LRRTM4: variants seen among roughly 807,000 people sequenced by gnomAD.
LRRTM4 encodes the protein leucine-rich repeat transmembrane neuronal protein 4.
A neutral mutation model predicts 47.6 loss-of-function variants in LRRTM4; 25 were observed. That is an observed-to-expected ratio of 0.53 (90% CI 0.38 to 0.73). The LOEUF (loss-of-function observed/expected upper bound fraction) is 0.73, where lower values mean the gene tolerates loss of function less well. Among genes scored for constraint, LRRTM4 ranks in the 30% least tolerant of loss-of-function variants. LRRTM4 has a pLI of 0.00. For missense variants in LRRTM4, 638 were observed against 713.4 expected (o/e 0.89, Z 1.20); for synonymous variants, 311 against 269.5 (o/e 1.15, Z -1.51).
chr2:77,108,485 A>C (rs921563962), intron 3 of LRRTM4, among the ~76,000 whole-genome samples: 1 of 151,924 alleles, frequency 6.6e-6, no homozygotes, highest in African/African-American at 2.4e-5. Flanking sequence ...TATAGAATAT[A>C]TATATTTTAA....
chr2:77,425,740 G>A (rs1427605710), intron 3 of LRRTM4, among the ~76,000 whole-genome samples: 1 of 152,058 alleles, frequency 6.6e-6, no homozygotes, highest in Admixed American at 6.6e-5. Flanking sequence ...ATCTCTACAT[G>A]GTCTATATCC....
At position 76,865,173 on chromosome 2, in the gene LRRTM4, G is replaced by GT. The variant is rs1487330695; in HGVS notation, c.1552-116258dup. Among the ~76,000 whole-genome samples, 3 of 152,098 alleles carry GT rather than the reference G, an allele frequency of 2.0e-5. No homozygotes were observed. The East Asian group carries it at 5.8e-4, about 29-fold the overall frequency. ...TTTAAGAAGTCATTTATCATTGTGT[G>GT]TTTGCCTTTCTTTCTCTTTGCTCCC... On this transcript the variant is annotated intron_variant, in intron 3 of 3. Transcript: ENST00000409884.
chr2:76,974,683 A>G (rs1465538820), intron 3 of LRRTM4, among the ~76,000 whole-genome samples: 1 of 151,746 alleles, frequency 6.6e-6, no homozygotes, highest in African/African-American at 2.4e-5. Context: ...AGAACTTGGG[A>G]GAAAAATTGT....
chr2:76,892,476 A>G (rs1444206428), intron 3 of LRRTM4, among the ~76,000 whole-genome samples: 2 of 151,740 alleles, frequency 1.3e-5, no homozygotes, highest in Non-Finnish European at 3.0e-5. Flanking sequence ...TTTTGGGAAG[A>G]ACAAATAGGC....
chr2:77,008,166 G>A (rs1677730341), intron 3 of LRRTM4, among the ~76,000 whole-genome samples: 1 of 152,142 alleles, frequency 6.6e-6, no homozygotes, highest in African/African-American at 2.4e-5. Flanking sequence ...CAAATGTTGT[G>A]TGGTATTAGC....
chr2:76,912,595 A>G (rs537181407), intron 3 of LRRTM4, among the ~76,000 whole-genome samples: 1 of 152,352 alleles, frequency 6.6e-6, no homozygotes, highest in Non-Finnish European at 1.5e-5. Context: ...AGCCAAAAAA[A>G]TTGATATCGT....
At chr2:77,172,358 A>G (rs1484708519) in intron 3 of LRRTM4, among the ~76,000 whole-genome samples, 1 of 152,272 alleles carries the variant, frequency 6.6e-6, no homozygotes, top group Admixed American at 6.5e-5. Context: ...GCACTTTGGG[A>G]GGCCGAGGTG....
intron 3 of LRRTM4, among the ~76,000 whole-genome samples, chr2:77,093,627 ATTTTG>A (rs1670719824): frequency 1.3e-5 from 2 of 151,810 alleles, no homozygotes; most frequent in South Asian, 4.2e-4. Flanking sequence ...CTTCAACACT[ATTTTG>A]TTTTATTTTT....
intron 3 of LRRTM4, among the ~76,000 whole-genome samples, chr2:77,141,920 G>T (rs188471263): frequency 2.6e-5 from 4 of 152,234 alleles, no homozygotes; most frequent in African/African-American, 7.2e-5. Context: ...TGAGCCAAGG[G>T]CTTCAACACC....
intron 3 of LRRTM4, among the ~76,000 whole-genome samples, chr2:77,036,662 T>G (rs768509158): frequency 1.9e-4 from 29 of 151,768 alleles, no homozygotes; most frequent in Non-Finnish European, 3.4e-4. Context: ...TGTAGTCTCC[T>G]AAGCACTCAA....
intron 3 of LRRTM4, among the ~76,000 whole-genome samples, chr2:77,057,220 T>C (rs910234460): frequency 1.3e-5 from 2 of 152,146 alleles, no homozygotes; most frequent in African/African-American, 4.8e-5. Context: ...AAAGATATAA[T>C]GTAAATTAAA....
chr2:77,379,015 A>G (rs1672945862), intron 3 of LRRTM4, among the ~76,000 whole-genome samples: 1 of 152,126 alleles, frequency 6.6e-6, no homozygotes, highest in Non-Finnish European at 1.5e-5. Flanking sequence ...TCATTTGTCC[A>G]TAATTGCTTA....
intron 3 of LRRTM4, among the ~76,000 whole-genome samples, chr2:76,985,128 T>C (rs1187701080): frequency 6.6e-6 from 1 of 152,020 alleles, no homozygotes; most frequent in Non-Finnish European, 1.5e-5. Flanking sequence ...GAATTCTTTA[T>C]CTTCTATCAA....
intron 3 of LRRTM4, among the ~76,000 whole-genome samples, chr2:77,160,605 C>A (rs924744198): frequency 1.3e-5 from 2 of 152,006 alleles, no homozygotes; most frequent in Non-Finnish European, 2.9e-5. Flanking sequence ...GTCTCATTGT[C>A]CAAGGCTTTT....
chr2:76,767,580 T>G (rs1179151368), intron 3 of LRRTM4, among the ~76,000 whole-genome samples: 2 of 152,264 alleles, frequency 1.3e-5, no homozygotes, highest in African/African-American at 2.4e-5. Flanking sequence ...AAAGCTACAG[T>G]TGGCTGTAGT....
At chr2:76,935,029 T>A (rs926928382) in intron 3 of LRRTM4, among the ~76,000 whole-genome samples, 4 of 151,694 alleles carry the variant, frequency 2.6e-5, no homozygotes, top group Non-Finnish European at 4.4e-5. Flanking sequence ...TCGAACTTTC[T>A]GAGTTCAGTA....
intron 3 of LRRTM4, among the ~76,000 whole-genome samples, chr2:76,955,993 G>A (rs78978604): frequency 0.053 from 7,978 of 150,862 alleles, 484 homozygotes; most frequent in East Asian, 0.14. Flanking sequence ...AGTGTAAATC[G>A]ATAAAACTCC....
chr2:77,465,601 T>G (rs1676952746), intron 3 of LRRTM4, among the ~76,000 whole-genome samples: 1 of 151,804 alleles, frequency 6.6e-6, no homozygotes, highest in Non-Finnish European at 1.5e-5. Flanking sequence ...TGGGGAAGGG[T>G]GGGGGTCAAG....
In LRRTM4 at chr2:77,118,459, A is replaced by G. The variant is rs1284358238; in HGVS notation, c.1552-369543T>C. ...GATTTAAGAGTTGACGGGGACACAT[A>G]GTTTCTTTCAGTCATGCTTGCTTAT... On this transcript the variant is annotated intron_variant, in intron 3 of 3. Coordinates refer to ENST00000409884, the MANE Select transcript of LRRTM4 (RefSeq NM_001134745.3). Among the ~76,000 whole-genome samples, 4 of 151,924 alleles carry G rather than the reference A, an allele frequency of 2.6e-5. No individual in the cohort carries two copies. In the South Asian group the frequency reaches 8.3e-4, roughly 31 times the overall value.
Sources: allele counts gnomAD v4.1 joint callset (sites outside exome capture counted in the v4.1 genomes callset), GRCh38; gene constraint gnomAD v4.1.1; transcripts MANE v1.5; gene names NCBI Gene and HGNC (gene_info 2026-07-23, HGNC 2026-07-21).